The following CSMD1 variants were observed in gnomAD, a reference collection of about 807,000 sequenced individuals.
The protein encoded by CSMD1 is CUB and sushi domain-containing protein 1.
Under a neutral mutation model 417.5 loss-of-function variants are expected in CSMD1, and 213 were observed. The ratio of observed to expected loss-of-function variants is 0.51; its 90% CI spans 0.46 to 0.57. The LOEUF (loss-of-function observed/expected upper bound fraction) is 0.57, where lower values mean the gene tolerates loss of function less well. Ranked by LOEUF, CSMD1 falls within the 20% of genes least tolerant of loss-of-function variation. CSMD1 has a pLI of 0.00. For synonymous variants in CSMD1, 2,862 were observed against 1,736.8 expected (o/e 1.65, Z -16.11); for missense variants, 6,923 against 4,529.7 (o/e 1.53, Z -15.17).
At chr8:3,553,235 G>C (rs1454683573) in intron 10 of CSMD1, among the ~76,000 whole-genome samples, 1 of 152,144 alleles carries the variant, frequency 6.6e-6, no homozygotes. Flanking sequence ...ACCTAGGTAG[G>C]CTTTCAGTAA....
intron 5 of CSMD1, among the ~76,000 whole-genome samples, chr8:3,905,401 G>T (rs778561646): frequency 2.0e-5 from 3 of 152,090 alleles, no homozygotes; most frequent in Admixed American, 2.0e-4. Flanking sequence ...TACTGGTAAG[G>T]CCACAATTAA....
intron 5 of CSMD1, among the ~76,000 whole-genome samples, chr8:3,991,676 G>C (rs1350289949): frequency 6.6e-6 from 1 of 152,178 alleles, no homozygotes; most frequent in Non-Finnish European, 1.5e-5. Context: ...GGTTGCTGAA[G>C]AAATTCTAGG....
At chr8:4,260,445 G>A (rs923873443) in intron 3 of CSMD1, among the ~76,000 whole-genome samples, 1 of 152,114 alleles carries the variant, frequency 6.6e-6, no homozygotes, top group Non-Finnish European at 1.5e-5. Context: ...ACTTTACTGA[G>A]TGTGGGTTGG....
chr8:3,236,412 C>T (rs1479742136), intron 26 of CSMD1, among the ~76,000 whole-genome samples: 1 of 151,884 alleles, frequency 6.6e-6, no homozygotes, highest in Non-Finnish European at 1.5e-5. Context: ...CCAGATTGGA[C>T]TAAAAAACCA....
chr8:4,279,285 GC>G (rs1431567559), intron 3 of CSMD1, among the ~76,000 whole-genome samples: 1 of 152,114 alleles, frequency 6.6e-6, no homozygotes, highest in Non-Finnish European at 1.5e-5. Flanking sequence ...AGTGTAAAAA[GC>G]CAACTGCTTC....
chr8:3,774,515 G>T (rs567388285), intron 5 of CSMD1, among the ~76,000 whole-genome samples: 2 of 152,256 alleles, frequency 1.3e-5, no homozygotes, highest in East Asian at 3.9e-4. Context: ...GAAAGATGCT[G>T]AATACATGAA....
chr8:3,956,485 A>G (rs1811956198), intron 5 of CSMD1, among the ~76,000 whole-genome samples: 1 of 152,184 alleles, frequency 6.6e-6, no homozygotes, highest in Non-Finnish European at 1.5e-5. Context: ...GTACATTCCT[A>G]AAGAGATTGT....
intron 3 of CSMD1, among the ~76,000 whole-genome samples, chr8:4,098,089 C>G (rs775464493): frequency 1.5e-4 from 23 of 152,136 alleles, no homozygotes; most frequent in Non-Finnish European, 2.8e-4. Flanking sequence ...TAAAATATCT[C>G]AACAACAAAG....
intron 5 of CSMD1, among the ~76,000 whole-genome samples, chr8:3,805,780 T>C (rs1585026152): frequency 6.6e-6 from 1 of 152,162 alleles, no homozygotes; most frequent in Non-Finnish European, 1.5e-5. Flanking sequence ...CCCCAGTCTT[T>C]GTGAGTCATC....
At chr8:3,690,846 G>A (rs1041091818) in intron 7 of CSMD1, among the ~76,000 whole-genome samples, 2 of 151,994 alleles carry the variant, frequency 1.3e-5, no homozygotes, top group African/African-American at 4.8e-5. Context: ...TCTTTGAATA[G>A]GTGGTCTAAT....
intron 5 of CSMD1, among the ~76,000 whole-genome samples, chr8:3,987,308 C>G (rs1008952436): frequency 6.6e-6 from 1 of 152,206 alleles, no homozygotes; most frequent in Non-Finnish European, 1.5e-5. Flanking sequence ...CCTCACTGAG[C>G]AGTGCTTTCT....
chr8:3,424,351 G>A (rs1459073378), intron 12 of CSMD1, among the ~76,000 whole-genome samples: 2 of 152,102 alleles, frequency 1.3e-5, no homozygotes, highest in Admixed American at 1.3e-4. Context: ...AGCAAACTTG[G>A]GAAGCTATTG....
At chr8:4,571,661 G>A (rs2130657526) in intron 2 of CSMD1, among the ~76,000 whole-genome samples, 2 of 151,484 alleles carry the variant, frequency 1.3e-5, no homozygotes, top group Middle Eastern at 6.8e-3. Flanking sequence ...TAGGTCCACT[G>A]AGTTCAAGTC....
chr8:3,289,728 C>G (rs1220470809), intron 25 of CSMD1, among the ~76,000 whole-genome samples: 5 of 146,868 alleles, frequency 3.4e-5, no homozygotes, highest in Admixed American at 6.7e-5. Context: ...GGATATTAGC[C>G]CTTTGTCAGA....
At chr8:4,340,492 C>G (rs570263745) in intron 3 of CSMD1, among the ~76,000 whole-genome samples, 9 of 152,150 alleles carry the variant, frequency 5.9e-5, no homozygotes, top group African/African-American at 1.9e-4. Context: ...TCCTCATGGT[C>G]GAGTCCCCAA....
intron 3 of CSMD1, among the ~76,000 whole-genome samples, chr8:4,204,458 T>A (rs1232508454): frequency 6.6e-6 from 1 of 152,198 alleles, no homozygotes; most frequent in Non-Finnish European, 1.5e-5. Context: ...CATGAACACC[T>A]GAGATTTTGT....
At chr8:4,873,630 T>C (rs1029900293) in intron 1 of CSMD1, among the ~76,000 whole-genome samples, 10 of 152,124 alleles carry the variant, frequency 6.6e-5, no homozygotes, top group Non-Finnish European at 1.2e-4. Flanking sequence ...TCGATCAATG[T>C]TCATTCCTCC....
chr8:4,923,857 G>T (rs1016629895), intron 1 of CSMD1, among the ~76,000 whole-genome samples: 26 of 152,114 alleles, frequency 1.7e-4, no homozygotes, highest in Non-Finnish European at 2.9e-5. Flanking sequence ...AGAAGTAACT[G>T]GCCCACAAAC....
At chr8:3,022,987 T>C (rs906432727) in intron 51 of CSMD1, among the ~76,000 whole-genome samples, 4 of 152,194 alleles carry the variant, frequency 2.6e-5, no homozygotes, top group Non-Finnish European at 4.4e-5. Context: ...CTACAGTTAT[T>C]TGATGTTAGC....
Sources: gnomAD v4.1 joint callset for allele counts (sites outside exome capture counted in the v4.1 genomes callset) on GRCh38, gnomAD v4.1.1 for gene constraint, MANE v1.5 for transcripts, NCBI Gene and HGNC (gene_info 2026-07-23, HGNC 2026-07-21) for gene names.